The following IFT52 variants were observed in gnomAD, a reference collection of about 807,000 sequenced individuals.
The protein encoded by IFT52 is intraflagellar transport protein 52 homolog.
In IFT52, 44 loss-of-function variants were observed where a neutral mutation model predicts 54.4. The observed-to-expected ratio is 0.81, with a 90% CI of 0.63 to 1.04. The LOEUF (loss-of-function observed/expected upper bound fraction) is 1.04, where lower values mean the gene tolerates loss of function less well. IFT52 is among the 50% of genes least tolerant of loss of function. The pLI, the probability that IFT52 is intolerant of heterozygous loss-of-function variation, is 0.00. For missense variants in IFT52, 452 were observed against 523.6 expected (o/e 0.86, Z 1.33); for synonymous variants, 181 against 185.3 (o/e 0.98, Z 0.19).
At chr20:43,602,915 G>T (rs1380433595) in intron 3 of IFT52, among the ~76,000 whole-genome samples, 1 of 152,098 alleles carries the variant, frequency 6.6e-6, no homozygotes, top group East Asian at 1.9e-4. Flanking sequence ...TCAGTGGGGT[G>T]CCAAAAGGAA....
At chr20:43,601,895 T>G (rs1368988159) in intron 3 of IFT52, among the ~76,000 whole-genome samples, 1 of 152,150 alleles carries the variant, frequency 6.6e-6, no homozygotes, top group Non-Finnish European at 1.5e-5. Flanking sequence ...TTTTCTGTTG[T>G]TGTTCCAAAA....
chr20:43,623,138 C>G lies in IFT52; in HGVS notation c.769-753C>G, dbSNP rs550547507. ...TTTCTTTCATGATTTCCTCTATTTT[C>G]TTACTAAAATAGAAAATAAGGTCAT... On this transcript the variant is annotated intron_variant, in intron 9 of 13. Transcript: ENST00000373030. Among the ~76,000 whole-genome samples, 9 of 152,168 alleles carry G rather than the reference C, an allele frequency of 5.9e-5. No homozygotes were observed. In the South Asian group the frequency reaches 1.5e-3, roughly 25 times the overall value.
chr20:43,617,228 ACTG>A (rs1270739336), intron 7 of IFT52, among the ~76,000 whole-genome samples: 1 of 152,134 alleles, frequency 6.6e-6, no homozygotes, highest in Non-Finnish European at 1.5e-5. Context: ...TATGTTTCAG[ACTG>A]CTTTTGTTGC....
At chr20:43,626,042 A>AC (rs1205771596) in intron 10 of IFT52, among the ~76,000 whole-genome samples, 2 of 151,106 alleles carry the variant, frequency 1.3e-5, no homozygotes, top group African/African-American at 2.4e-5. Flanking sequence ...AAAAAAAAAA[A>AC]AGTTGCAATA....
Position 43,614,028 on chromosome 20 carries a change from A to G in IFT52, c.612+52A>G, listed in dbSNP as rs1983663348. The G allele has an allele frequency of 6.6e-7, 1 of 1,506,968 alleles. No homozygotes were observed. Among genetic ancestry groups the G allele is most frequent in the Non-Finnish European group, 9.1e-7 (1 of 1,098,778 alleles). The allele number at this position is 1,506,968 out of a possible 1,614,324, so 93.3% of individuals were successfully genotyped here. On this transcript the variant is annotated intron_variant, in intron 7 of 13. Transcript: ENST00000373030. ...AGATGTTATTTTTATTGTTGAAATAATAAAAACCACCTTACCATTTCCAGA... is the reference window on the plus strand; with the variant it reads ...AGATGTTATTTTTATTGTTGAAATAGTAAAAACCACCTTACCATTTCCAGA...
chr20:43,634,065 CAGG>C lies in IFT52; in HGVS notation c.924-1857_924-1855del, dbSNP rs1247555359. ...ACACTCGCTCGTAGTCCTGGCTACT[CAGG>C]AGGCTGAGGTAGGATGATTGCTAGC... On this transcript the variant is annotated intron_variant, in intron 10 of 13. Transcript: ENST00000373030. Among the ~76,000 whole-genome samples, 8 of 151,780 alleles carry C rather than the reference CAGG, an allele frequency of 5.3e-5. No homozygotes were observed. In the East Asian group the frequency reaches 1.6e-3, roughly 30 times the overall value.
rs748861776 is a variant in IFT52, at chr20:43,603,819, A to T, written c.267A>T (p.Glu89Asp). ...GAGATGTCTTTGTGATGCTAGGAGA[A>T]GGTGGAGAATCCAGATTTGACACCA... The part of the protein sequence containing the change: ...TGGDVFVMLG[E>D]GGESRFDTNI... Residue 89 changes from glutamate (E) to aspartate (D), a missense_variant, in exon 4 of 14, where the codon GAA becomes GAT. Glu to Asp is a conservative substitution (Grantham distance 45). Coordinates refer to ENST00000373030, the MANE Select transcript of IFT52 (RefSeq NM_016004.5). 1 of 1,600,658 alleles carries T rather than the reference A, an allele frequency of 6.2e-7. No homozygotes were observed. Among genetic ancestry groups the T allele is most frequent in the Non-Finnish European group, 8.6e-7 (1 of 1,169,278 alleles).
chr20:43,620,612 C>T (rs968277051), intron 8 of IFT52, among the ~76,000 whole-genome samples: 1 of 152,098 alleles, frequency 6.6e-6, no homozygotes, highest in Non-Finnish European at 1.5e-5. Flanking sequence ...GCCAAGATTG[C>T]GCCACCGCAC....
intron 6 of IFT52, among the ~76,000 whole-genome samples, chr20:43,607,574 C>T (rs1273124004): frequency 6.8e-6 from 1 of 147,232 alleles, no homozygotes; most frequent in Non-Finnish European, 1.5e-5. Flanking sequence ...AGACGATGGG[C>T]GGCCGGGCAG....
At chr20:43,606,687 A>G (rs953738269) in intron 6 of IFT52, among the ~76,000 whole-genome samples, 13 of 151,928 alleles carry the variant, frequency 8.6e-5, no homozygotes, top group African/African-American at 2.4e-4. Flanking sequence ...CAGCAGATAA[A>G]CAAGTGAACA....
chr20:43,625,258 C>A (rs6103396), intron 10 of IFT52, among the ~76,000 whole-genome samples: 111,099 of 151,936 alleles, frequency 0.73, 40,859 homozygotes, highest in East Asian at 0.8. Context: ...CACCTGTAAT[C>A]CTAGCACTTT....
rs569422927 is a variant in IFT52, at chr20:43,592,878, G to A, written c.-6-1815G>A. Among the ~76,000 whole-genome samples, 510 of 152,308 alleles carry A rather than the reference G, an allele frequency of 3.3e-3. 3 individuals are homozygous for A. Among genetic ancestry groups the A allele is most frequent in the South Asian group, 6.0e-3 (29 of 4,830 alleles). On this transcript the variant is annotated intron_variant, in intron 1 of 13. Transcript: ENST00000373030. ...GTAAACCAGCACTTTGGGAGGTTGA[G>A]GTAGGAGGATCACTTGAGGTCAGGA...
intron 8 of IFT52, among the ~76,000 whole-genome samples, chr20:43,619,839 A>T (rs1409693344): frequency 6.7e-6 from 1 of 150,218 alleles, no homozygotes; most frequent in Non-Finnish European, 1.5e-5. Flanking sequence ...ATTGATAAAG[A>T]TCTTATTTCT....
Position 43,617,591 on chromosome 20 carries a change from G to A in IFT52, c.613-1349G>A, listed in dbSNP as rs188985474. Among the ~76,000 whole-genome samples the A allele has an allele frequency of 2.6e-3, 399 of 152,152 alleles. 1 individual carries two copies. Among genetic ancestry groups the A allele is most frequent in the African/African-American group, 9.2e-3 (380 of 41,492 alleles). ...CCTGAGTAGTTGGGATTACAGGCAT[G>A]CACCACCATGCCTGACTAATTTTTG... On this transcript the variant is annotated intron_variant, in intron 7 of 13. Transcript: ENST00000373030.
Position 43,637,208 on chromosome 20 carries a change from A to T in IFT52, c.1075A>T (p.Thr359Ser). 1 of 1,605,424 alleles carries T rather than the reference A, an allele frequency of 6.2e-7. No homozygotes were observed. Among genetic ancestry groups the T allele is most frequent in the South Asian group, 1.1e-5 (1 of 89,636 alleles). The stretch of plus-strand genomic sequence containing the variant: ...TCTGGAGCTATTTGATTTAGATGAA[A>T]CGTTCTCCTCTGAGAAGGCACGGCT... ...PPLELFDLDE[T>S]FSSEKARLAQ... Residue 359 changes from threonine (T) to serine (S), a missense_variant, in exon 12 of 14, where the codon ACG becomes TCG. Transcript: ENST00000373030.
intron 8 of IFT52, among the ~76,000 whole-genome samples, chr20:43,620,624 C>A (rs1984220732): frequency 6.6e-6 from 1 of 152,198 alleles, no homozygotes; most frequent in African/African-American, 2.4e-5. Flanking sequence ...CCACCGCACT[C>A]TAACCAGGGC....
chr20:43,631,984 G>T (rs535998496), intron 10 of IFT52, among the ~76,000 whole-genome samples: 1 of 150,856 alleles, frequency 6.6e-6, no homozygotes, highest in Non-Finnish European at 1.5e-5. Context: ...GGAGTGCAAC[G>T]GCACGATCTC....
chr20:43,624,390 C>T (rs541935971), intron 10 of IFT52, among the ~76,000 whole-genome samples: 1 of 152,256 alleles, frequency 6.6e-6, no homozygotes, highest in African/African-American at 2.4e-5. Context: ...GTGGTCACCT[C>T]ATTTCTCTCT....
chr20:43,632,106 G>T (rs557310088), intron 10 of IFT52, among the ~76,000 whole-genome samples: 7 of 150,626 alleles, frequency 4.6e-5, no homozygotes, highest in African/African-American at 1.7e-4. Context: ...TGTATTTTTA[G>T]TAGAGACGGG....
Sources: allele counts gnomAD v4.1 joint callset (sites outside exome capture counted in the v4.1 genomes callset), GRCh38; gene constraint gnomAD v4.1.1; transcripts MANE v1.5; gene names NCBI Gene and HGNC (gene_info 2026-07-23, HGNC 2026-07-21).